Variants in ARSG observed in about 807,000 individuals in gnomAD.
The protein encoded by ARSG is arylsulfatase G.
ARSG carries 37 observed loss-of-function variants against 50.5 expected under a neutral mutation model. That is an observed-to-expected ratio of 0.73 (90% CI 0.56 to 0.96). ARSG has a LOEUF of 0.96. Ranked by LOEUF, ARSG falls within the 50% of genes least tolerant of loss-of-function variation. ARSG has a pLI of 0.00. For missense variants in ARSG, 629 were observed against 675.3 expected, an observed-to-expected ratio of 0.93 and a Z score of 0.76; for synonymous variants, 225 against 254.6, an observed-to-expected ratio of 0.88 and a Z score of 1.11.
rs2075323088 is a variant in ARSG at position 68,271,068 on chromosome 17, G to GATGAGCTCAATGTA, written c.-552+11644_-552+11657dup. On this transcript the variant is annotated intron_variant, in intron 1 of 11. Coordinates refer to the ARSG transcript ENST00000448504. The surrounding 1 kb of genome is among the most constrained non-coding windows in gnomAD (Gnocchi z 5.3). The stretch of plus-strand genomic sequence containing the variant: ...GAGACACAGTCAATAAGATGACGCA[G>GATGAGCTCAATGTA]ATGAGCTCAATGTAAATCTTACGAA... 6.2e-7 allele frequency: 1 copy of GATGAGCTCAATGTA among 1,614,072 alleles called. No individual in the cohort carries two copies. The highest frequency in any genetic ancestry group is 8.5e-7 in the Non-Finnish European group (1 of 1,180,036).
intron 1 of ARSG, among the ~76,000 whole-genome samples, chr17:68,304,727 A>C (rs1490595076): frequency 6.6e-6 from 1 of 152,206 alleles, no homozygotes; most frequent in Non-Finnish European, 1.5e-5. Context: ...ATAAGGTCTC[A>C]CTATGTTGGA....
At chr17:68,446,503 C>A in the ARSG span, among the ~76,000 whole-genome samples, 1 of 152,134 alleles carries the variant, frequency 6.6e-6, no homozygotes, top group African/African-American at 2.4e-5. Context: ...TTACCTAAGG[C>A]TCTGTCGTAG....
At chr17:68,296,210 G>T (rs1414874856) in intron 1 of ARSG, among the ~76,000 whole-genome samples, 8 of 152,162 alleles carry the variant, frequency 5.3e-5, no homozygotes, top group African/African-American at 1.9e-4. Flanking sequence ...GAAGGGCTGT[G>T]TGTGGGACCA....
At chr17:68,294,150 G>A (rs2076122682) in intron 1 of ARSG, among the ~76,000 whole-genome samples, 1 of 152,134 alleles carries the variant, frequency 6.6e-6, no homozygotes, top group Admixed American at 6.5e-5. Flanking sequence ...GTGTCTGCCT[G>A]ATCCCAAGTG....
chr17:68,369,697 G>A (rs996402501), intron 7 of ARSG, among the ~76,000 whole-genome samples: 7 of 152,166 alleles, frequency 4.6e-5, no homozygotes, highest in African/African-American at 1.7e-4. Context: ...GCAAAATTAA[G>A]CTAATAACCG....
chr17:68,406,103 C>T (rs1046741196), intron 11 of ARSG, among the ~76,000 whole-genome samples: 1 of 152,166 alleles, frequency 6.6e-6, no homozygotes, highest in Non-Finnish European at 1.5e-5. Flanking sequence ...ATGTCCTCCT[C>T]ATAACTTAGC....
chr17:68,271,906 G>A lies in ARSG; in HGVS notation c.-552+12480G>A, dbSNP rs1337869335. ...CAACCTCCACCTCCCGGGTTCAAGCGATTCTCCTGCCTCAGCCTCCTGAGT... is the reference window on the plus strand; with the variant it reads ...CAACCTCCACCTCCCGGGTTCAAGCAATTCTCCTGCCTCAGCCTCCTGAGT... On this transcript the variant is annotated intron_variant, in intron 1 of 11. Coordinates refer to the ARSG transcript ENST00000448504. The surrounding 1 kb of genome is among the most constrained non-coding windows in gnomAD (Gnocchi z 5.3). Among the ~76,000 whole-genome samples, 3 of 152,162 alleles carry A rather than the reference G, an allele frequency of 2.0e-5. No individual in the cohort carries two copies. The highest frequency in any genetic ancestry group is 2.9e-5 in the Non-Finnish European group (2 of 68,032).
downstream of ARSG, chr17:68,427,075 G>A: frequency 7.1e-7 from 1 of 1,403,290 alleles, no homozygotes; most frequent in Admixed American, 1.7e-5. Flanking sequence ...GAGCGTGCAG[G>A]GAGAAGGGGA....
intron 1 of ARSG, among the ~76,000 whole-genome samples, chr17:68,301,286 A>T (rs928785972): frequency 6.6e-6 from 1 of 152,152 alleles, no homozygotes; most frequent in East Asian, 1.9e-4. Flanking sequence ...TCAAAATTAC[A>T]TATTGGGGTC....
chr17:68,321,408 C>CT (rs1411053417), intron 2 of ARSG, among the ~76,000 whole-genome samples: 1 of 152,148 alleles, frequency 6.6e-6, no homozygotes, highest in African/African-American at 2.4e-5. Flanking sequence ...AGCTGGTTCT[C>CT]TGAGTTTTAT....
At chr17:68,361,112 A>T (rs1349820106) in intron 6 of ARSG, among the ~76,000 whole-genome samples, 1 of 152,152 alleles carries the variant, frequency 6.6e-6, no homozygotes, top group African/African-American at 2.4e-5. Context: ...GGTGTGAGCT[A>T]CCGTGCCCGG....
intron 5 of ARSG, 72 bp from the exon 6 acceptor site, chr17:68,356,595 C>T: frequency 6.4e-7 from 1 of 1,554,930 alleles, no homozygotes; most frequent in South Asian, 1.1e-5. Flanking sequence ...TGCATTGTTG[C>T]ATTAAAGCAT....
In ARSG at chr17:68,324,725, A is replaced by G. The variant is rs73998088; in HGVS notation, c.218+17014A>G. Among the ~76,000 whole-genome samples, 937 of 152,338 alleles carry G rather than the reference A, an allele frequency of 6.2e-3. 6 individuals carry two copies. The highest frequency in any genetic ancestry group is 0.021 in the African/African-American group (883 of 41,574). ...GAATGGGAATTTGGATGCCTGTTTT[A>G]CAGAGTGTTTTAAAAGTTAGAAATA... is the stretch of plus-strand genomic sequence containing the variant. On this transcript the variant is annotated intron_variant, in intron 2 of 11. Transcript: ENST00000621439.
chr17:68,299,195 C>A (rs1436802049), intron 1 of ARSG, among the ~76,000 whole-genome samples: 1 of 148,920 alleles, frequency 6.7e-6, no homozygotes, highest in Admixed American at 6.8e-5. Flanking sequence ...ACCTCCGTCT[C>A]CTGGGTTCAA....
intron 2 of ARSG, among the ~76,000 whole-genome samples, chr17:68,318,069 A>C (rs1555769243): frequency 6.6e-6 from 1 of 150,754 alleles, no homozygotes; most frequent in Admixed American, 6.7e-5. Flanking sequence ...TTTGCACTCC[A>C]GACTGGGCGA....
intron 2 of ARSG, among the ~76,000 whole-genome samples, chr17:68,333,096 G>A (rs1007259043): frequency 9.9e-5 from 15 of 151,614 alleles, no homozygotes; most frequent in Non-Finnish European, 1.5e-5. Context: ...GGATCATGAG[G>A]TCAGGAGATT....
downstream of ARSG, chr17:68,426,158 C>T (rs552204063): frequency 6.0e-5 from 96 of 1,610,872 alleles, no homozygotes; most frequent in South Asian, 1.2e-4. Context: ...CGCAGCGCCC[C>T]GCCGTCCTCA....
chr17:68,444,500 G>T, the ARSG span: 1 of 1,613,136 alleles, frequency 6.2e-7, no homozygotes, highest in South Asian at 1.1e-5. Context: ...CACCTGTTGG[G>T]TTTGCAGGAA....
chr17:68,382,588 C>T lies in ARSG; in HGVS notation c.983-2476C>T, dbSNP rs111915931. ...TTGCTGGTGCAGATAAAACACAACA[C>T]GCCTGTTTGATATAAGCATATGCAT... On this transcript the variant is annotated intron_variant, in intron 8 of 11. Coordinates refer to ENST00000621439, the MANE Select transcript of ARSG (RefSeq NM_001267727.2). Among the ~76,000 whole-genome samples the T allele has an allele frequency of 6.3e-3, 955 of 152,302 alleles. 15 individuals carry two copies. The highest frequency in any genetic ancestry group is 0.022 in the African/African-American group (897 of 41,568).
Sources: allele counts gnomAD v4.1 joint callset (sites outside exome capture counted in the v4.1 genomes callset), GRCh38; gene constraint gnomAD v4.1.1; non-coding constraint Gnocchi (gnomAD v3.1); transcripts MANE v1.5; gene names NCBI Gene and HGNC (gene_info 2026-07-23, HGNC 2026-07-21).